CNTNAP5: variants seen among roughly 807,000 people sequenced by gnomAD.
CNTNAP5 encodes contactin associated protein family member 5.
Under a neutral mutation model 150.2 loss-of-function variants are expected in CNTNAP5, and 72 were observed. That is an observed-to-expected ratio of 0.48 (90% CI 0.40 to 0.58). The LOEUF (loss-of-function observed/expected upper bound fraction) is 0.58. Among genes scored for constraint, CNTNAP5 ranks in the 20% least tolerant of loss-of-function variants. CNTNAP5 has a pLI of 0.00. For missense variants in CNTNAP5, 1,636 were observed against 1,626.2 expected, an observed-to-expected ratio of 1.01 and a Z score of -0.10; for synonymous variants, 672 against 619.8, an observed-to-expected ratio of 1.08 and a Z score of -1.25.
chr2:124,281,932 G>A (rs1420660933), intron 3 of CNTNAP5, among the ~76,000 whole-genome samples: 6 of 152,022 alleles, frequency 3.9e-5, no homozygotes, highest in Admixed American at 2.0e-4. Flanking sequence ...CAGGATTCCC[G>A]GCGGCATTTG....
intron 3 of CNTNAP5, among the ~76,000 whole-genome samples, chr2:124,337,002 G>A (rs1395238932): frequency 1.3e-5 from 2 of 152,140 alleles, no homozygotes; most frequent in Non-Finnish European, 2.9e-5. Flanking sequence ...CAGTGTAAAA[G>A]TGTTCCTATT....
At chr2:124,272,505 G>A (rs1687784811) in intron 3 of CNTNAP5, among the ~76,000 whole-genome samples, 1 of 152,130 alleles carries the variant, frequency 6.6e-6, no homozygotes, top group Non-Finnish European at 1.5e-5. Context: ...CTTCAGAGGA[G>A]GGCAGAAAAG....
In CNTNAP5 at chr2:124,758,054, T is replaced by C. The variant is rs572004806; in HGVS notation, c.2235-5618T>C. ...GAATGATAGGAATTAAGAGAGTGGATAGATTAGAAGCAGGGATCCAGTTTA... is the reference window on the plus strand; with the variant it reads ...GAATGATAGGAATTAAGAGAGTGGACAGATTAGAAGCAGGGATCCAGTTTA... On this transcript the variant is annotated intron_variant, in intron 14 of 23. Coordinates refer to ENST00000682447, the MANE Select transcript of CNTNAP5 (RefSeq NM_001367498.1). Among the ~76,000 whole-genome samples the C allele has an allele frequency of 3.3e-5, 5 of 152,206 alleles. No individual in the cohort carries two copies. In the South Asian group the frequency reaches 1.0e-3, roughly 32 times the overall value.
rs144761734 is a variant in CNTNAP5, at chr2:124,893,520, G to A, written c.3437-9362G>A. ...TAATGCTACTGTATGCCATTTCTCT[G>A]CATGATGGTGTACTTAACCTGGTGG... On this transcript the variant is annotated intron_variant, in intron 21 of 23. Coordinates refer to ENST00000682447, the MANE Select transcript of CNTNAP5 (RefSeq NM_001367498.1). 2.2e-3 allele frequency among the ~76,000 whole-genome samples: 335 copies of A among 152,178 alleles called. 4 individuals are homozygous for A. Among genetic ancestry groups the A allele is most frequent in the African/African-American group, 7.3e-3 (304 of 41,540 alleles).
chr2:124,729,263 C>G (rs1680221335), intron 13 of CNTNAP5, among the ~76,000 whole-genome samples: 1 of 152,022 alleles, frequency 6.6e-6, no homozygotes, highest in Non-Finnish European at 1.5e-5. Flanking sequence ...GTTGAGAACT[C>G]TAATCTTCAA....
chr2:124,029,212 T>C (rs1306423992), intron 1 of CNTNAP5, among the ~76,000 whole-genome samples: 2 of 152,098 alleles, frequency 1.3e-5, no homozygotes, highest in Admixed American at 6.5e-5. Context: ...TTCAATCAGA[T>C]TCATAAAGCT....
rs562655974 is a variant in CNTNAP5 at position 124,677,896 on chromosome 2, A to G, written c.2077+29938A>G. The stretch of plus-strand genomic sequence containing the variant: ...AGCCGAGAGACCAATTAGTAAAGTA[A>G]GCAGAAAGGTTTATTAAGGGAATAA... On this transcript the variant is annotated intron_variant, in intron 13 of 23. Transcript: ENST00000682447. Among the ~76,000 whole-genome samples, 194 of 151,932 alleles carry G rather than the reference A, an allele frequency of 1.3e-3. 1 individual carries two copies. Among genetic ancestry groups the G allele is most frequent in the Non-Finnish European group, 1.9e-3 (132 of 68,052 alleles).
chr2:124,307,036 C>T (rs944202863), intron 3 of CNTNAP5, among the ~76,000 whole-genome samples: 12 of 152,126 alleles, frequency 7.9e-5, no homozygotes, highest in African/African-American at 2.6e-4. Flanking sequence ...CCTGGTTTCC[C>T]ATCTAATTCT....
At chr2:124,353,286 C>CAAAAAAAAAAAAAAAAAAAA (rs565907115) in intron 3 of CNTNAP5, among the ~76,000 whole-genome samples, 8 of 88,252 alleles carry the variant, frequency 9.1e-5, no homozygotes, top group Admixed American at 2.7e-4. Context: ...AAAAACAGAC[C>CAAAAAAAAAAAAAAAAAAAA]AAAAAAAAAA....
At chr2:124,073,765 G>A (rs1682371823) in intron 1 of CNTNAP5, among the ~76,000 whole-genome samples, 1 of 152,076 alleles carries the variant, frequency 6.6e-6, no homozygotes. Flanking sequence ...CAACCACTAT[G>A]GAGAAGGTTT....
chr2:124,484,052 C>G (rs1229815344), intron 7 of CNTNAP5, among the ~76,000 whole-genome samples: 2 of 152,230 alleles, frequency 1.3e-5, no homozygotes, highest in African/African-American at 4.8e-5. Context: ...ACAACTCCAG[C>G]CTGTGGATCC....
chr2:124,193,640 C>A (rs1164217860), intron 1 of CNTNAP5, among the ~76,000 whole-genome samples: 1 of 152,154 alleles, frequency 6.6e-6, no homozygotes, highest in Non-Finnish European at 1.5e-5. Flanking sequence ...GATACCAAAC[C>A]ACTAACGTTT....
chr2:124,100,702 C>T (rs1683044044), intron 1 of CNTNAP5, among the ~76,000 whole-genome samples: 1 of 88,044 alleles, frequency 1.1e-5, no homozygotes, highest in Non-Finnish European at 2.7e-5. Flanking sequence ...CTCGTCTCTA[C>T]AAAAATACAA....
intron 6 of CNTNAP5, among the ~76,000 whole-genome samples, chr2:124,448,333 C>A (rs1692879691): frequency 6.6e-6 from 1 of 151,332 alleles, no homozygotes; most frequent in Admixed American, 6.6e-5. Flanking sequence ...GTTTTAAAAG[C>A]TAATACATTC....
intron 1 of CNTNAP5, among the ~76,000 whole-genome samples, chr2:124,188,961 C>T (rs893492287): frequency 3.3e-5 from 5 of 152,162 alleles, no homozygotes; most frequent in East Asian, 1.9e-4. Context: ...AATCCAAGAC[C>T]GCATATAATG....
intron 2 of CNTNAP5, among the ~76,000 whole-genome samples, chr2:124,241,809 C>T (rs554789195): frequency 2.0e-5 from 3 of 151,840 alleles, no homozygotes; most frequent in African/African-American, 2.4e-5. Flanking sequence ...AAAGAAGGAA[C>T]GATATATTAG....
At chr2:124,371,253 G>A (rs571765393) in intron 3 of CNTNAP5, among the ~76,000 whole-genome samples, 5 of 152,180 alleles carry the variant, frequency 3.3e-5, no homozygotes, top group East Asian at 3.9e-4. Context: ...TTAAAATATC[G>A]TGGGGTAATG....
chr2:124,477,688 G>A (rs1693673514), intron 7 of CNTNAP5, among the ~76,000 whole-genome samples: 1 of 146,428 alleles, frequency 6.8e-6, no homozygotes, highest in Non-Finnish European at 1.5e-5. Flanking sequence ...TTCTAGGTTT[G>A]GAGTCTTGGG....
chr2:124,778,871 A>C (rs1462614981), intron 17 of CNTNAP5, among the ~76,000 whole-genome samples: 1 of 152,166 alleles, frequency 6.6e-6, no homozygotes, highest in Non-Finnish European at 1.5e-5. Flanking sequence ...GTTTCTTCTG[A>C]ACCTGGAAGA....
Sources: gnomAD v4.1 joint callset for allele counts (sites outside exome capture counted in the v4.1 genomes callset) on GRCh38, gnomAD v4.1.1 for gene constraint, MANE v1.5 for transcripts, NCBI Gene and HGNC (gene_info 2026-07-23, HGNC 2026-07-21) for gene names.